Variants in ADAM7 observed in about 807,000 individuals in gnomAD.
ADAM7 encodes disintegrin and metalloproteinase domain-containing protein 7.
Under a neutral mutation model 102.9 loss-of-function variants are expected in ADAM7, and 97 were observed. The ratio of observed to expected loss-of-function variants is 0.94; its 90% confidence interval spans 0.80 to 1.12. The LOEUF (loss-of-function observed/expected upper bound fraction) is 1.12, where lower values mean the gene tolerates loss of function less well. Among genes scored for constraint, ADAM7 ranks in the 50% most tolerant of loss-of-function variants. ADAM7 has a pLI of 0.00. For synonymous variants in ADAM7, 334 were observed against 304.4 expected, an observed-to-expected ratio of 1.10 and a Z score of -1.01; for missense variants, 991 against 908.7, an observed-to-expected ratio of 1.09 and a Z score of -1.16.
chr8:24,490,923 TCA>T, intron 13 of ADAM7, 35 bp downstream of exon 13: 1 of 1,597,424 alleles, frequency 6.3e-7, no homozygotes, highest in Non-Finnish European at 8.6e-7. Flanking sequence ...TTTTTTTTTT[TCA>T]GTTTAAGAAT....
At chr8:24,463,791 C>A in intron 3 of ADAM7, 91 bp from the exon 4 acceptor site, 1 of 1,084,940 alleles carries the variant, frequency 9.2e-7, no homozygotes, top group Non-Finnish European at 1.3e-6. Flanking sequence ...GATTTGGAAG[C>A]AAACTGGACA....
At chr8:24,506,789 AC>A (rs1176347469) in intron 20 of ADAM7, among the ~76,000 whole-genome samples, 5 of 150,420 alleles carry the variant, frequency 3.3e-5, no homozygotes, top group Non-Finnish European at 4.4e-5. Context: ...ACACACACAC[AC>A]AAAATAGAAC....
chr8:24,491,867 T>C (rs201442873), intron 13 of ADAM7, 36 bp from the exon 14 acceptor site: 2 of 1,513,016 alleles, frequency 1.3e-6, no homozygotes, highest in East Asian at 4.7e-5. Context: ...TACCTAAATG[T>C]ATCCAGGATT....
In ADAM7 at chr8:24,451,688, C is replaced by A. The variant is rs529465234; in HGVS notation, c.233+4426C>A. ...GATTTTAGTTATTTCTTGCCTTCTG[C>A]TAGCTTTTGACTGTGTTTGCTCTTG... On this transcript the variant is annotated intron_variant, in intron 3 of 21. Transcript: ENST00000175238. 9.3e-4 allele frequency among the ~76,000 whole-genome samples: 141 copies of A among 151,376 alleles called. 1 individual carries two copies. The highest frequency in any genetic ancestry group is 3.3e-3 in the African/African-American group (135 of 41,216).
intron 3 of ADAM7, among the ~76,000 whole-genome samples, chr8:24,451,585 C>A (rs923673715): frequency 1.4e-4 from 21 of 151,924 alleles, no homozygotes; most frequent in African/African-American, 4.8e-4. Flanking sequence ...TTTTGTTGAT[C>A]CTTTCAAAAA....
At chr8:24,456,706 T>C (rs1271792444) in intron 3 of ADAM7, among the ~76,000 whole-genome samples, 2 of 151,954 alleles carry the variant, frequency 1.3e-5, no homozygotes, top group Non-Finnish European at 2.9e-5. Context: ...TCACACTACA[T>C]GTACTCTTTT....
chr8:24,492,220 G>T (rs1305172629), intron 14 of ADAM7, 122 bp downstream of exon 14: 5 of 1,009,148 alleles, frequency 5.0e-6, no homozygotes, highest in African/African-American at 4.8e-5. Flanking sequence ...CCAAGATATT[G>T]CTTAGCATTT....
In ADAM7 at chr8:24,503,875, G is replaced by A. The variant is rs536930023; in HGVS notation, c.2208+2299G>A. Among the ~76,000 whole-genome samples, 14 of 151,980 alleles carry A rather than the reference G, an allele frequency of 9.2e-5. 1 individual carries two copies. Among genetic ancestry groups the A allele is most frequent in the South Asian group, 2.1e-4 (1 of 4,808 alleles). On this transcript the variant is annotated intron_variant, in intron 20 of 21. Coordinates refer to ENST00000175238, the MANE Select transcript of ADAM7 (RefSeq NM_003817.4). ...AAAACATCACACACTGAGGCCTGTC[G>A]GGGGATGGGGAACAAGGGGAGGGAT...
chr8:24,492,759 A>G (rs1820408645), intron 15 of ADAM7, among the ~76,000 whole-genome samples, 162 bp downstream of exon 15: 1 of 152,224 alleles, frequency 6.6e-6, no homozygotes, highest in South Asian at 2.1e-4. Context: ...ATGCTAATTC[A>G]AATTACTAAT....
rs3071035 is a variant in ADAM7 at position 24,501,612 on chromosome 8, ATTT to A, written c.2208+46_2208+48del. 8.2e-4 allele frequency: 1,076 copies of A among 1,316,012 alleles called. 1 individual carries two copies. The highest frequency in any genetic ancestry group is 1.8e-3 in the South Asian group (129 of 71,028). The allele number at this position is 1,316,012 out of a possible 1,614,324, so 81.5% of individuals were successfully genotyped here. ...TCCATTTGCAACAGTTAATTTATTGATTTTTTTTTTTTAAGTAGCTGAATGTGT... is the reference window on the plus strand; with the variant it reads ...TCCATTTGCAACAGTTAATTTATTGATTTTTTTTTAAGTAGCTGAATGTGT... On this transcript the variant is annotated intron_variant, in intron 20 of 21. Transcript: ENST00000175238.
At chr8:24,463,489 G>A (rs1299880447) in intron 3 of ADAM7, among the ~76,000 whole-genome samples, 1 of 151,820 alleles carries the variant, frequency 6.6e-6, no homozygotes, top group Non-Finnish European at 1.5e-5. Flanking sequence ...TAGCTGTTAG[G>A]TTACTATATA....
Position 24,509,257 on chromosome 8 carries a change from C to G in ADAM7, c.*711C>G. ...AATTTACTCCAAGTGAGAGGACATA[C>G]TCACAACTCCTATGAAGGGTTTCTA... On this transcript the variant is annotated 3_prime_UTR_variant, in exon 22 of 22. Transcript: ENST00000175238. The G allele has an allele frequency of 2.0e-6, 2 of 985,412 alleles. No homozygotes were observed. Among genetic ancestry groups the G allele is most frequent in the Non-Finnish European group, 2.4e-6 (2 of 829,968 alleles). The allele number at this position is 985,412 out of a possible 1,614,324, so 61.0% of individuals were successfully genotyped here. A position where few individuals can be genotyped will look rare whatever the true frequency, so the allele number is the denominator to read the frequency against.
intron 10 of ADAM7, among the ~76,000 whole-genome samples, chr8:24,485,950 T>G (rs1439145751): frequency 4.6e-5 from 7 of 152,188 alleles, no homozygotes; most frequent in Admixed American, 1.3e-4. Context: ...TGCTGTGCCT[T>G]GTCTGGTATT....
At chr8:24,446,110 GAATGAACAGTCATCTC>G (rs1364982249) in intron 2 of ADAM7, among the ~76,000 whole-genome samples, 2 of 152,150 alleles carry the variant, frequency 1.3e-5, no homozygotes, top group African/African-American at 4.8e-5. Context: ...TTGAATAAAT[GAATGAACAGTCATCTC>G]AAAGTAATGT....
At position 24,492,606 on chromosome 8, in the gene ADAM7, C is replaced by T. The variant is rs1199207100; in HGVS notation, c.1655+9C>T. ...CTTCCCTGTGAGGAGAAGTAAGTGCCCTGTGGAAAAAAAGTAATTTGCCTT... is the reference window on the plus strand; with the variant it reads ...CTTCCCTGTGAGGAGAAGTAAGTGCTCTGTGGAAAAAAAGTAATTTGCCTT... On this transcript the variant is annotated intron_variant, in intron 15 of 21. Transcript: ENST00000175238. 3 of 1,602,024 alleles carry T rather than the reference C, an allele frequency of 1.9e-6. No homozygotes were observed. Among genetic ancestry groups the T allele is most frequent in the Non-Finnish European group, 8.5e-7 (1 of 1,172,004 alleles).
chr8:24,477,569 A>AGTGTGTGT (rs370769372), intron 8 of ADAM7, among the ~76,000 whole-genome samples: 1 of 145,570 alleles, frequency 6.9e-6, no homozygotes, highest in Admixed American at 6.9e-5. Context: ...TACCCTCATC[A>AGTGTGTGT]GTGTGTGTGT....
chr8:24,467,819 C>G (rs1166691960), intron 6 of ADAM7, among the ~76,000 whole-genome samples: 2 of 152,044 alleles, frequency 1.3e-5, no homozygotes, highest in Non-Finnish European at 2.9e-5. Flanking sequence ...AATCCCAACA[C>G]TTTGGGAGGC....
chr8:24,445,368 T>G (rs141402578), intron 2 of ADAM7, among the ~76,000 whole-genome samples: 182 of 152,314 alleles, frequency 1.2e-3, no homozygotes, highest in African/African-American at 4.2e-3. Context: ...ACACTTAACA[T>G]TGAATAAACA....
rs549789518 is a variant in ADAM7 at position 24,466,980 on chromosome 8, A to G, written c.571A>G (p.Lys191Glu). ...PGDNESEEDS[K>E]IKGIHDEKYV... Reference sequence around the variant, plus strand: ...GGATAATGAATCTGAAGAAGACTCCAAAATAAAAGTGAGTACTTTATTATT... The same window carrying G: ...GGATAATGAATCTGAAGAAGACTCCGAAATAAAAGTGAGTACTTTATTATT... Residue 191 changes from lysine (K) to glutamate (E), a missense_variant, in exon 6 of 22, where the codon AAA (lysine) becomes GAA (glutamate). Transcript: ENST00000175238. The G allele has an allele frequency of 1.2e-4, 189 of 1,612,888 alleles. No individual in the cohort carries two copies. Among genetic ancestry groups the G allele is most frequent in the Admixed American group, 1.2e-3 (69 of 59,990 alleles).
Sources: gnomAD v4.1 joint callset for allele counts (sites outside exome capture counted in the v4.1 genomes callset) on GRCh38, gnomAD v4.1.1 for gene constraint, MANE v1.5 for transcripts, NCBI Gene and HGNC (gene_info 2026-07-23, HGNC 2026-07-21) for gene names.